SFTPC: variants seen among roughly 807,000 people sequenced by gnomAD.
SFTPC encodes BRICHOS domain containing 6.
In SFTPC, 12 loss-of-function variants were observed where a neutral mutation model predicts 19.9. The ratio of observed to expected loss-of-function variants is 0.60; its 90% CI spans 0.39 to 0.98. The LOEUF (loss-of-function observed/expected upper bound fraction) is 0.98, where lower values mean the gene tolerates loss of function less well. SFTPC is among the 50% of genes least tolerant of loss of function. The pLI is 0.00. For synonymous variants in SFTPC, 123 were observed against 103.3 expected (o/e 1.19, Z -1.16); for missense variants, 219 against 252.2 (o/e 0.87, Z 0.89).
chr8:22,163,673 C>T (rs1212395805), intron 4 of SFTPC, 127 bp downstream of exon 4: 10 of 806,002 alleles, frequency 1.2e-5, no homozygotes, highest in Admixed American at 2.0e-5. Flanking sequence ...GACTGCCCCT[C>T]TCCTATTCCC....
rs1451499324 is a variant in SFTPC at position 22,163,902 on chromosome 8, C to G, written c.437C>G (p.Ala146Gly). Residue 146 changes from alanine to glycine, a missense_variant and splice_region_variant, in exon 5 of 6, where the codon GCC (alanine) becomes GGC (glycine). Physicochemically the swap from Ala to Gly is moderately conservative, Grantham distance 60 (BLOSUM62 0). Coordinates refer to ENST00000679463, the MANE Select transcript of SFTPC (RefSeq NM_001317778.2). ...ALTRKVHNFQ[A>G]KPAVPTSKLG... ...TTCCAGATGGAATGCTCTCTGCAGG[C>G]CAAGCCCGCAGTGCCTACGTCTAAG... 5 of 1,613,578 alleles carry G rather than the reference C, an allele frequency of 3.1e-6. No homozygotes were observed. In the Admixed American group the frequency reaches 6.7e-5, roughly 22 times the overall value.
upstream of SFTPC, chr8:22,157,719 T>G (rs542715580): frequency 6.6e-6 from 1 of 152,322 alleles, no homozygotes; most frequent in Non-Finnish European, 1.5e-5. Context: ...GATTTGCCCT[T>G]TTCACTTCTA....
upstream of SFTPC, chr8:22,161,659 T>C: frequency 6.3e-7 from 1 of 1,592,210 alleles, no homozygotes; most frequent in Non-Finnish European, 8.5e-7. Context: ...AGGGGGCTTA[T>C]CTGGGCTTCG....
chr8:22,160,030 C>T (rs8192317), upstream of SFTPC, among the ~76,000 whole-genome samples: 752 of 152,336 alleles, frequency 4.9e-3, 4 homozygotes, highest in African/African-American at 0.016. Flanking sequence ...CCCGGCACCC[C>T]TCCCCTCCTT....
Position 22,163,489 on chromosome 8 carries a change from A to G in SFTPC, c.378A>G (p.Ile126Met), listed in dbSNP as rs2131818821. The G allele has an allele frequency of 2.5e-6, 4 of 1,614,094 alleles. No individual in the cohort carries two copies. Among genetic ancestry groups the G allele is most frequent in the Middle Eastern group, 3.3e-4 (2 of 6,062 alleles). ...APGTCCYIMK[I>M]APESIPSLEA... ...GCACCTGCTGCTACATCATGAAGAT[A>G]GCTCCAGAGAGCATCCCCAGTCTTG... The change falls in exon 4 of 6, where the codon ATA (isoleucine) becomes ATG (methionine). Residue 126 changes from isoleucine (I) to methionine (M), a missense_variant. By Grantham distance (10) the Ile-to-Met change is conservative. Coordinates refer to ENST00000679463, the MANE Select transcript of SFTPC (RefSeq NM_001317778.2).
At chr8:22,158,436 C>T (rs1362147914), upstream of SFTPC, among the ~76,000 whole-genome samples, 3 of 152,192 alleles carry the variant, frequency 2.0e-5, no homozygotes, top group Non-Finnish European at 2.9e-5. Context: ...ATCTTGTCCC[C>T]ACCCCTGCAG....
upstream of SFTPC, chr8:22,159,895 G>A: frequency 8.0e-7 from 1 of 1,246,856 alleles, no homozygotes; most frequent in Non-Finnish European, 1.1e-6. Context: ...CAGGATGATG[G>A]GGGCGGGAGT....
Position 22,163,156 on chromosome 8 carries a change from C to T in SFTPC, c.278C>T (p.Thr93Ile), listed in dbSNP as rs777995190. ...ALSEHLVTTA[T>I]FSIGSTGLVV... ...AGTGAGCACCTGGTTACCACTGCCA[C>T]CTTCTCCATCGGCTCCACTGGCCTC... is the stretch of plus-strand genomic sequence containing the variant. Residue 93 changes from threonine (T) to isoleucine (I), a missense_variant, in exon 3 of 6, where the codon ACC becomes ATC. Coordinates refer to ENST00000679463, the MANE Select transcript of SFTPC (RefSeq NM_001317778.2). The T allele has an allele frequency of 1.2e-6, 2 of 1,614,214 alleles. No homozygotes were observed. The highest frequency in any genetic ancestry group is 8.5e-7 in the Non-Finnish European group (1 of 1,180,030).
upstream of SFTPC, among the ~76,000 whole-genome samples, chr8:22,160,722 A>G (rs1460768540): frequency 6.6e-6 from 1 of 152,204 alleles, no homozygotes; most frequent in Non-Finnish European, 1.5e-5. Flanking sequence ...TTTAGAGACC[A>G]CCTGGCCCAA....
chr8:22,159,280 C>T (rs1827620658), upstream of SFTPC, among the ~76,000 whole-genome samples: 1 of 152,188 alleles, frequency 6.6e-6, no homozygotes, highest in Non-Finnish European at 1.5e-5. Flanking sequence ...GAGTGAGACC[C>T]TGTCTCTAAA....
chr8:22,159,225 G>A (rs1827618809), upstream of SFTPC: 1 of 167,204 alleles, frequency 6.0e-6, no homozygotes, highest in Non-Finnish European at 1.3e-5. Flanking sequence ...GCTGCAGTGA[G>A]CTATGAAGCT....
In SFTPC at chr8:22,163,689, C is replaced by T. The variant is rs1027918024; in HGVS notation, c.435+143C>T. The T allele has an allele frequency of 1.3e-5, 10 of 794,920 alleles. 1 individual carries two copies. The East Asian group carries it at 1.9e-4, about 15-fold the overall frequency. 49.2% of individuals were successfully genotyped at this position (794,920 alleles called of 1,614,324 possible). A position where few individuals can be genotyped will look rare whatever the true frequency, so the allele number is the denominator to read the frequency against. ...ACTGCCCCTCTCCTATTCCCCTGCA[C>T]GACTCCTTTCCTTCCCACCCCACTG... On this transcript the variant is annotated intron_variant, in intron 4 of 5. Coordinates refer to ENST00000679463, the MANE Select transcript of SFTPC (RefSeq NM_001317778.2).
upstream of SFTPC, chr8:22,159,818 C>T (rs770468297): frequency 1.9e-5 from 24 of 1,289,260 alleles, no homozygotes; most frequent in East Asian, 3.9e-4. Context: ...TTGGCTCTCC[C>T]GCTGGCCAGC....
At chr8:22,162,387 G>C (rs1447443173) in intron 1 of SFTPC, among the ~76,000 whole-genome samples, 187 bp from the exon 2 acceptor site, 1 of 152,148 alleles carries the variant, frequency 6.6e-6, no homozygotes, top group African/African-American at 2.4e-5. Flanking sequence ...TGTGTCTATG[G>C]GTTTGTTAGA....
At chr8:22,161,766 C>A, upstream of SFTPC, 1 of 1,613,802 alleles carries the variant, frequency 6.2e-7, no homozygotes. Flanking sequence ...TCCCTACGGA[C>A]ACATATAAGA....
intron 1 of SFTPC, among the ~76,000 whole-genome samples, chr8:22,162,238 G>A (rs1000607677): frequency 1.3e-5 from 2 of 152,200 alleles, no homozygotes; most frequent in South Asian, 2.1e-4. Flanking sequence ...AGGAAGGAGG[G>A]AGACTCTGTA....
chr8:22,164,255 T>A lies in SFTPC; in HGVS notation c.*19-11T>A. 2.0e-6 allele frequency: 3 copies of A among 1,536,150 alleles called. No individual in the cohort carries two copies. Among genetic ancestry groups the A allele is most frequent in the Non-Finnish European group, 2.6e-6 (3 of 1,146,876 alleles). The stretch of plus-strand genomic sequence containing the variant: ...CTCTCTGTCCATCCTCAACATTCCT[T>A]TGCTTCACAGGGTCAGTGGAAGCCC... On this transcript the variant is annotated splice_polypyrimidine_tract_variant and intron_variant, in intron 5 of 5. Coordinates refer to ENST00000679463, the MANE Select transcript of SFTPC (RefSeq NM_001317778.2).
At chr8:22,164,168 G>A (rs888864920) in intron 5 of SFTPC, 98 bp from the exon 6 acceptor site, 45 of 1,544,152 alleles carry the variant, frequency 2.9e-5, no homozygotes, top group Non-Finnish European at 3.8e-5. Context: ...ACTGAAGCGG[G>A]GTCATCCAGG....
intron 3 of SFTPC, 96 bp from the exon 4 acceptor site, chr8:22,163,340 C>A: frequency 6.7e-7 from 1 of 1,499,608 alleles, no homozygotes; most frequent in South Asian, 1.1e-5. Flanking sequence ...TCTAGTATGA[C>A]TCCCGTGCCC....
Sources: allele counts gnomAD v4.1 joint callset (sites outside exome capture counted in the v4.1 genomes callset), GRCh38; gene constraint gnomAD v4.1.1; transcripts MANE v1.5; gene names NCBI Gene and HGNC (gene_info 2026-07-23, HGNC 2026-07-21).